The following CLASP1 variants were observed in gnomAD, a reference collection of about 807,000 sequenced individuals.
CLASP1 encodes CLIP-associating protein 1.
CLASP1 carries 38 observed loss-of-function variants against 192.3 expected under a neutral mutation model. That is an observed-to-expected ratio of 0.20 (90% CI 0.15 to 0.26). CLASP1 has a LOEUF of 0.26. Ranked by LOEUF, CLASP1 falls within the 10% of genes least tolerant of loss-of-function variation. The probability of loss-of-function intolerance (pLI) is 1.00; values close to 1 mark genes in which losing one functional copy is unlikely to be tolerated. For missense variants in CLASP1, 1,433 were observed against 1,932.5 expected (o/e 0.74, Z 4.85); for synonymous variants, 691 against 712.8 (o/e 0.97, Z 0.49).
chr2:121,530,169 G>T (rs1034439562), intron 3 of CLASP1, 78 bp downstream of exon 3: 1 of 1,306,034 alleles, frequency 7.7e-7, no homozygotes, highest in African/African-American at 1.5e-5. Flanking sequence ...CTGCCGGGAG[G>T]GTTTGGGAGC....
At chr2:121,630,326 T>C (rs2069265232) in intron 1 of CLASP1, among the ~76,000 whole-genome samples, 1 of 151,506 alleles carries the variant, frequency 6.6e-6, no homozygotes, top group Non-Finnish European at 1.5e-5. Context: ...TCATCATCCA[T>C]TACTACAAGT....
chr2:121,492,110 G>A lies in CLASP1; in HGVS notation c.712+11057C>T, dbSNP rs548060449. ...TTTATACACCAAAAGACACTTAAAA[G>A]TGAAAAGATTGGCTCACGCCTGTAA... On this transcript the variant is annotated intron_variant, in intron 8 of 39. Transcript: ENST00000263710. Among the ~76,000 whole-genome samples, 75 of 152,258 alleles carry A rather than the reference G, an allele frequency of 4.9e-4. 1 individual carries two copies. The South Asian group carries it at 0.013, about 27-fold the overall frequency.
At chr2:121,629,759 C>G (rs1033613157) in intron 1 of CLASP1, among the ~76,000 whole-genome samples, 1 of 151,868 alleles carries the variant, frequency 6.6e-6, no homozygotes, top group Non-Finnish European at 1.5e-5. Flanking sequence ...CCACTGCACT[C>G]TAGCCTGGGC....
At chr2:121,606,790 G>T (rs932269815) in intron 1 of CLASP1, among the ~76,000 whole-genome samples, 1 of 152,176 alleles carries the variant, frequency 6.6e-6, no homozygotes, top group African/African-American at 2.4e-5. Flanking sequence ...GGGCGCAGTG[G>T]CTCACGCCTG....
intron 17 of CLASP1, 137 bp from the exon 18 acceptor site, chr2:121,448,462 G>T: frequency 1.3e-6 from 1 of 743,864 alleles, no homozygotes; most frequent in Non-Finnish European, 2.3e-6. Context: ...GAACCACAAT[G>T]TTGTAAACTC....
intron 2 of CLASP1, among the ~76,000 whole-genome samples, chr2:121,598,986 C>T (rs2063461505): frequency 6.6e-6 from 1 of 152,162 alleles, no homozygotes; most frequent in African/African-American, 2.4e-5. Flanking sequence ...CTGCCTCAGC[C>T]TCCAAGTAGC....
At chr2:121,478,843 A>ACACAC (rs1374385226) in intron 8 of CLASP1, among the ~76,000 whole-genome samples, 1 of 47,774 alleles carries the variant, frequency 2.1e-5, no homozygotes, top group Non-Finnish European at 3.7e-5. Flanking sequence ...CACACCACAC[A>ACACAC]CACACCACAC....
chr2:121,548,075 G>A (rs2057647989), intron 2 of CLASP1, among the ~76,000 whole-genome samples: 1 of 152,164 alleles, frequency 6.6e-6, no homozygotes, highest in Non-Finnish European at 1.5e-5. Flanking sequence ...TGAGCTGGCT[G>A]AATGACAAAA....
At position 121,382,241 on chromosome 2, in the gene CLASP1, G is replaced by A; in HGVS notation, c.3458C>T (p.Ser1153Phe). ...GTAAGAGCGCCTGAGAGCCTTGTGG[G>A]AGGGAGCGGTGGGGATGGAGTTAGG... Residue 1153 changes from serine to phenylalanine, a missense_variant, in exon 33 of 40, where the codon TCC (serine) becomes TTC (phenylalanine). Coordinates refer to ENST00000263710, the Ensembl canonical transcript of CLASP1. The A allele has an allele frequency of 1.2e-6, 2 of 1,609,568 alleles. No individual in the cohort carries two copies. Among genetic ancestry groups the A allele is most frequent in the Non-Finnish European group, 1.7e-6 (2 of 1,178,166 alleles).
chr2:121,387,295 T>C, intron 31 of CLASP1, 67 bp from the exon 33 acceptor site: 1 of 1,133,022 alleles, frequency 8.8e-7, no homozygotes, highest in Non-Finnish European at 1.2e-6. Context: ...ATTCTTTCCT[T>C]GGTCTTTTAA....
At position 121,361,639 on chromosome 2, in the gene CLASP1, T is replaced by C. The variant is rs148752713; in HGVS notation, c.4206+1533A>G. On this transcript the variant is annotated intron_variant, in intron 37 of 39. Coordinates refer to ENST00000263710, the Ensembl canonical transcript of CLASP1. ...CTCATTGGCTATTGTTAGTGCATTT[T>C]ATGTGTGGCCTAAGACAATTCTTCC... Among the ~76,000 whole-genome samples, 1,229 of 152,284 alleles carry C rather than the reference T, an allele frequency of 8.1e-3. 8 individuals carry two copies. The highest frequency in any genetic ancestry group is 0.013 in the Non-Finnish European group (905 of 68,008).
chr2:121,403,336 G>C (rs953528469), intron 26 of CLASP1: 10 of 451,706 alleles, frequency 2.2e-5, no homozygotes, highest in Middle Eastern at 3.3e-4. Context: ...CCCAGAGCAG[G>C]TACTCAGTAA....
intron 2 of CLASP1, among the ~76,000 whole-genome samples, chr2:121,563,377 G>A (rs1350962575): frequency 6.6e-6 from 1 of 152,218 alleles, no homozygotes; most frequent in Non-Finnish European, 1.5e-5. Flanking sequence ...CACTTTTAAA[G>A]AGGAGGCAGA....
intron 1 of CLASP1, among the ~76,000 whole-genome samples, chr2:121,632,711 G>A (rs549255532): frequency 6.6e-6 from 1 of 152,154 alleles, no homozygotes; most frequent in African/African-American, 2.4e-5. Flanking sequence ...AGCCTGACCA[G>A]CATGCAGAAA....
In CLASP1 at chr2:121,427,399, C is replaced by T; in HGVS notation, c.2044+5G>A. 1 of 1,612,712 alleles carries T rather than the reference C, an allele frequency of 6.2e-7. No homozygotes were observed. Among genetic ancestry groups the T allele is most frequent in the Non-Finnish European group, 8.5e-7 (1 of 1,179,500 alleles). ...CAAAAAAAGGCAAGAAGAGAAATGG[C>T]TTACCACCAGCAGGATTAGCAGATC... On this transcript the variant is annotated splice_donor_5th_base_variant and intron_variant, in intron 21 of 39. Coordinates refer to ENST00000263710, the Ensembl canonical transcript of CLASP1.
rs1407024367 is a variant in CLASP1 at position 121,530,731 on chromosome 2, GA to G, written c.196-407del. The G allele has an allele frequency of 2.9e-5, 15 of 516,952 alleles. No individual in the cohort carries two copies. The South Asian group carries it at 4.4e-4, about 15-fold the overall frequency. 32.0% of individuals were successfully genotyped at this position (516,952 alleles called of 1,614,324 possible). A position where few individuals can be genotyped will look rare whatever the true frequency, so the allele number is the denominator to read the frequency against. ...CTTTTGCGACCCTTCGGGAGCCTCA[GA>G]AAACAAAGAATTGGGGTGTCGTCGA... On this transcript the variant is annotated intron_variant, in intron 2 of 39. Coordinates refer to ENST00000263710, the Ensembl canonical transcript of CLASP1.
chr2:121,408,977 G>C, intron 24 of CLASP1: 1 of 1,499,398 alleles, frequency 6.7e-7, no homozygotes, highest in Non-Finnish European at 9.0e-7. Context: ...AAATATACTT[G>C]CAACAGGAGA....
At chr2:121,498,049 G>A (rs963368781) in intron 8 of CLASP1, among the ~76,000 whole-genome samples, 11 of 151,988 alleles carry the variant, frequency 7.2e-5, no homozygotes, top group African/African-American at 1.9e-4. Context: ...TAGCAGAGAC[G>A]GGGTTTCACC....
chr2:121,408,212 T>C (rs72967357), intron 24 of CLASP1, among the ~76,000 whole-genome samples: 6,035 of 152,266 alleles, frequency 0.04, 162 homozygotes, highest in East Asian at 0.14. Context: ...TTGAGCACAG[T>C]CTATGGGTAA....
Sources: allele counts gnomAD v4.1 joint callset (sites outside exome capture counted in the v4.1 genomes callset), GRCh38; gene constraint gnomAD v4.1.1; transcripts MANE v1.5; gene names NCBI Gene and HGNC (gene_info 2026-07-23, HGNC 2026-07-21).